Variants in SPG11 observed in about 807,000 individuals in gnomAD.
SPG11 encodes SPG11 vesicle trafficking associated, spatacsin, also known as spatacsin.
Under a neutral mutation model 274.0 loss-of-function variants are expected in SPG11, and 222 were observed. That is an observed-to-expected ratio of 0.81 (90% CI 0.73 to 0.91). The LOEUF (loss-of-function observed/expected upper bound fraction) is 0.91, where lower values mean the gene tolerates loss of function less well. SPG11 is among the 40% of genes least tolerant of loss of function. The probability of loss-of-function intolerance (pLI) is 0.00; values close to 1 mark genes in which losing one functional copy is unlikely to be tolerated. For synonymous variants in SPG11, 1,144 were observed against 1,039.7 expected, an observed-to-expected ratio of 1.10 and a Z score of -1.93; for missense variants, 3,114 against 2,872.7, an observed-to-expected ratio of 1.08 and a Z score of -1.92.
intron 30 of SPG11, 150 bp from the exon 31 acceptor site, chr15:44,575,191 C>T: frequency 2.2e-6 from 2 of 901,868 alleles, no homozygotes; most frequent in South Asian, 1.6e-5. Context: ...CAGGGCCCCA[C>T]CTCAACTTCT....
intron 27 of SPG11, 65 bp from the exon 28 acceptor site, chr15:44,589,479 A>T: frequency 6.3e-7 from 1 of 1,596,036 alleles, no homozygotes. Flanking sequence ...AAAACCTCCA[A>T]ATCTGGGAAC....
At chr15:44,587,718 A>AAAAAAAAAAAAAAAAAACAAAAAAC (rs1567141736) in intron 28 of SPG11, among the ~76,000 whole-genome samples, 3 of 148,638 alleles carry the variant, frequency 2.0e-5, no homozygotes, top group African/African-American at 5.1e-5. Flanking sequence ...AAAAAAAAAA[A>AAAAAAAAAAAAAAAAAACAAAAAAC]AACGTATTCC....
chr15:44,659,431 G>C (rs1307492070), intron 2 of SPG11, 128 bp from the exon 3 acceptor site: 2 of 816,576 alleles, frequency 2.4e-6, no homozygotes, highest in Admixed American at 4.4e-5. Flanking sequence ...ACTTTACGCA[G>C]TTATCGTTCA....
chr15:44,652,162 A>C lies in SPG11; in HGVS notation c.974T>G (p.Met325Arg). ...TTGGAAGGAAAACTTGGCCAGTTTCATGTTGTAGGCAGAGTTAACAGGATC... is the reference window on the plus strand; with the variant it reads ...TTGGAAGGAAAACTTGGCCAGTTTCCTGTTGTAGGCAGAGTTAACAGGATC... ...EDDPVNSAYN[M>R]KLAKFSFQID... Residue 325 changes from methionine to arginine, a missense_variant, in exon 5 of 40, where the codon ATG becomes AGG. By Grantham distance (91) the Met-to-Arg change is moderately conservative. Coordinates refer to ENST00000261866, the MANE Select transcript of SPG11 (RefSeq NM_025137.4). The C allele has an allele frequency of 6.2e-7, 1 of 1,614,198 alleles. No individual in the cohort carries two copies. The highest frequency in any genetic ancestry group is 8.5e-7 in the Non-Finnish European group (1 of 1,180,026).
At chr15:44,581,077 A>G (rs1327937749) in intron 30 of SPG11, among the ~76,000 whole-genome samples, 1 of 152,236 alleles carries the variant, frequency 6.6e-6, no homozygotes, top group African/African-American at 2.4e-5. Flanking sequence ...AAACATCGAG[A>G]GCAACCAGAG....
rs1291011961 is a variant in SPG11 at position 44,575,020 on chromosome 15, T to C, written c.5888A>G (p.Lys1963Arg). 5.6e-6 allele frequency: 9 copies of C among 1,613,900 alleles called. No individual in the cohort carries two copies. In the South Asian group the frequency reaches 8.8e-5, roughly 16 times the overall value. The change falls in exon 31 of 40, where the codon AAG (lysine) becomes AGG (arginine). Residue 1963 changes from lysine (K) to arginine (R), a missense_variant. Transcript: ENST00000261866. The part of the protein sequence containing the change: ...VHSTSSLDSQ[K>R]FVTVPSSNEV... ...ATTACTGGAGGGCACTGTCACAAAC[T>C]TCTGACTATCCAGACTTGAAGCTGG... is the stretch of plus-strand genomic sequence containing the variant.
At chr15:44,633,734 T>A in intron 7 of SPG11, 97 bp from the exon 8 acceptor site, 1 of 1,340,224 alleles carries the variant, frequency 7.5e-7, no homozygotes, top group Non-Finnish European at 1.0e-6. Context: ...TTTAATGTGG[T>A]GAGACTACAG....
chr15:44,630,175 T>G (rs773580748), intron 8 of SPG11, among the ~76,000 whole-genome samples: 3 of 152,238 alleles, frequency 2.0e-5, no homozygotes, highest in Admixed American at 6.5e-5. Context: ...CCCTGGATGT[T>G]GCATCGGCAG....
chr15:44,654,626 G>T (rs2084883911), intron 4 of SPG11, among the ~76,000 whole-genome samples: 1 of 152,132 alleles, frequency 6.6e-6, no homozygotes, highest in South Asian at 2.1e-4. Flanking sequence ...GATCATCTGA[G>T]GTCATAAGTT....
chr15:44,653,669 G>C (rs1254217639), intron 4 of SPG11, among the ~76,000 whole-genome samples: 1 of 152,150 alleles, frequency 6.6e-6, no homozygotes, highest in Non-Finnish European at 1.5e-5. Context: ...ACATTTAGGA[G>C]ACAGAAAGGG....
Position 44,615,533 on chromosome 15 carries a change from G to A in SPG11, c.2868C>T (p.Asp956=). ...NGVFLASELE[D]FECFLLRLSR... Reference sequence around the variant, plus strand: ...TCAGTCTTAGGAGGAAGCATTCAAAGTCTTCCAGTTCAGATGCCAAAAAAA... The same window carrying A: ...TCAGTCTTAGGAGGAAGCATTCAAAATCTTCCAGTTCAGATGCCAAAAAAA... The change falls in exon 16 of 40, where the codon GAC becomes GAT. Residue 956 remains aspartate, a synonymous_variant. Transcript: ENST00000261866. The A allele has an allele frequency of 1.2e-6, 2 of 1,614,070 alleles. No individual in the cohort carries two copies. The highest frequency in any genetic ancestry group is 1.7e-6 in the Non-Finnish European group (2 of 1,179,996).
intron 10 of SPG11, among the ~76,000 whole-genome samples, chr15:44,627,612 CAG>C (rs2083940439): frequency 6.7e-6 from 1 of 150,278 alleles, no homozygotes; most frequent in African/African-American, 2.4e-5. Context: ...TTTTTTGAGA[CAG>C]AGTCTCGCAC....
At chr15:44,622,918 T>C (rs979186290) in intron 11 of SPG11, 119 bp from the exon 12 acceptor site, 26 of 806,486 alleles carry the variant, frequency 3.2e-5, no homozygotes, top group Non-Finnish European at 5.3e-5. Flanking sequence ...TAGAATTCCA[T>C]AGCTTTCTGC....
intron 29 of SPG11, among the ~76,000 whole-genome samples, chr15:44,585,247 AT>A (rs1399185219): frequency 1.3e-5 from 2 of 152,014 alleles, no homozygotes; most frequent in Non-Finnish European, 1.5e-5. Flanking sequence ...ATCTCATTTG[AT>A]TTACTGTTTA....
At chr15:44,583,623 T>C (rs937915600) in intron 30 of SPG11, among the ~76,000 whole-genome samples, 191 bp downstream of exon 30, 4 of 152,220 alleles carry the variant, frequency 2.6e-5, no homozygotes, top group African/African-American at 7.2e-5. Flanking sequence ...CTTTGAAACA[T>C]AGCTAGTTTA....
Position 44,596,109 on chromosome 15 carries a change from G to A in SPG11, c.4408C>T (p.Leu1470Phe), listed in dbSNP as rs2083030527. The A allele has an allele frequency of 6.2e-7, 1 of 1,613,682 alleles. No homozygotes were observed. Among genetic ancestry groups the A allele is most frequent in the Non-Finnish European group, 8.5e-7 (1 of 1,180,046 alleles). Residue 1470 changes from leucine (L) to phenylalanine (F), a missense_variant, in exon 25 of 40, where the codon CTC (leucine) becomes TTC (phenylalanine). Coordinates refer to ENST00000261866, the MANE Select transcript of SPG11 (RefSeq NM_025137.4). ...VEAVKQQAPI[L>F]SVLASCLQGA... ...TGGAGACATGAGGCCAGAACACTGA[G>A]GATAGGGGCCTGTTGTTTCACTGCT...
Position 44,651,669 on chromosome 15 carries a change from C to T in SPG11, c.1278G>A (p.Glu426=), listed in dbSNP as rs2084780424. The T allele has an allele frequency of 6.2e-7, 1 of 1,614,228 alleles. No individual in the cohort carries two copies. The highest frequency in any genetic ancestry group is 1.1e-5 in the South Asian group (1 of 91,090). Residue 426 remains glutamate (E), a synonymous_variant, in exon 6 of 40, where the codon GAG becomes GAA. Coordinates refer to ENST00000261866, the MANE Select transcript of SPG11 (RefSeq NM_025137.4). ...MHISEQEEPI[E]LKCVSVTGFT... is the part of the protein sequence containing the mutation. ...ATCCTGTCACAGACACACATTTAAG[C>T]TCTATGGGTTCCTCTTGTTCACTGA...
chr15:44,588,583 G>A (rs1247212230), intron 28 of SPG11: 5 of 379,852 alleles, frequency 1.3e-5, no homozygotes, highest in Admixed American at 2.7e-5. Flanking sequence ...AGAAGGCTGG[G>A]CCGTTTGCAT....
At chr15:44,578,387 C>G (rs971488866) in intron 30 of SPG11, among the ~76,000 whole-genome samples, 1 of 151,918 alleles carries the variant, frequency 6.6e-6, no homozygotes, top group African/African-American at 2.4e-5. Context: ...CGGAGTAGAC[C>G]CCTGTTGCTT....
Sources: allele counts gnomAD v4.1 joint callset (sites outside exome capture counted in the v4.1 genomes callset), GRCh38; gene constraint gnomAD v4.1.1; transcripts MANE v1.5; gene names NCBI Gene and HGNC (gene_info 2026-07-23, HGNC 2026-07-21).